The following PCDHA4 variants were observed in gnomAD, a reference collection of about 807,000 sequenced individuals.
The protein encoded by PCDHA4 is protocadherin alpha-4.
Under a neutral mutation model 61.4 loss-of-function variants are expected in PCDHA4, and 49 were observed. The observed-to-expected ratio is 0.80, with a 90% CI of 0.63 to 1.01. The LOEUF is 1.01. Among genes scored for constraint, PCDHA4 ranks in the 50% least tolerant of loss-of-function variants. The pLI, the probability that PCDHA4 is intolerant of heterozygous loss-of-function variation, is 0.00. For synonymous variants in PCDHA4, 590 were observed against 550.3 expected (o/e 1.07, Z -1.01); for missense variants, 1,254 against 1,235.8 (o/e 1.01, Z -0.22).
At chr5:140,823,338 G>C (rs149205606) in intron 1 of PCDHA4, 29 of 1,612,112 alleles carry the variant, frequency 1.8e-5, no homozygotes, top group Non-Finnish European at 2.4e-5. Context: ...CGCTGCAGCC[G>C]CTGGACCACG....
At chr5:140,970,146 C>A (rs1408492600) in intron 1 of PCDHA4, among the ~76,000 whole-genome samples, 3 of 152,156 alleles carry the variant, frequency 2.0e-5, no homozygotes, top group Admixed American at 6.5e-5. Context: ...AAAAAGAATT[C>A]TCCCAATAGT....
At position 140,944,452 on chromosome 5, in the gene PCDHA4, G is replaced by A. The variant is rs147335783; in HGVS notation, c.2386-34497G>A. 1.8e-3 allele frequency among the ~76,000 whole-genome samples: 280 copies of A among 152,282 alleles called. 3 individuals are homozygous for A. Among genetic ancestry groups the A allele is most frequent in the African/African-American group, 6.4e-3 (266 of 41,552 alleles). ...TCTGCCTGCCTCGGCCTCCCAAAGTGCTGGGATTACAGGTATGAGGCACTG... is the reference window on the plus strand; with the variant it reads ...TCTGCCTGCCTCGGCCTCCCAAAGTACTGGGATTACAGGTATGAGGCACTG... On this transcript the variant is annotated intron_variant, in intron 1 of 3. Coordinates refer to ENST00000530339, the MANE Select transcript of PCDHA4 (RefSeq NM_018907.4).
At chr5:140,882,561 G>A in intron 1 of PCDHA4, 2 of 1,614,222 alleles carry the variant, frequency 1.2e-6, no homozygotes, top group Non-Finnish European at 1.7e-6. Flanking sequence ...CTGTGTGGGC[G>A]GAGCGCGGAG....
chr5:140,841,820 GT>G (rs2150323567), intron 1 of PCDHA4: 1 of 1,613,910 alleles, frequency 6.2e-7, no homozygotes, highest in Non-Finnish European at 8.5e-7. Context: ...AGCTAACTCC[GT>G]GTTAACCTAC....
At chr5:140,914,710 G>T (rs879987412) in intron 1 of PCDHA4, among the ~76,000 whole-genome samples, 22 of 151,256 alleles carry the variant, frequency 1.5e-4, no homozygotes, top group Non-Finnish European at 2.4e-4. Flanking sequence ...TTAATTTCTT[G>T]TTTTTTATTT....
rs1311377754 is a variant in PCDHA4 at position 140,847,747 on chromosome 5, G to C, written c.2385+38175G>C. 1.3e-5 allele frequency: 2 copies of C among 149,564 alleles called. 1 individual carries two copies. The highest frequency in any genetic ancestry group is 3.0e-5 in the Non-Finnish European group (2 of 66,834). 9.3% of individuals were successfully genotyped at this position (149,564 alleles called of 1,614,324 possible). ...AGAGAAAAATATATTTTCTCCCCAC[G>C]CAACACAAGACCTTAAAGTCAATTC... On this transcript the variant is annotated intron_variant, in intron 1 of 3. Coordinates refer to ENST00000530339, the MANE Select transcript of PCDHA4 (RefSeq NM_018907.4).
At chr5:140,870,544 G>A in intron 1 of PCDHA4, 1 of 1,614,124 alleles carries the variant, frequency 6.2e-7, no homozygotes, top group South Asian at 1.1e-5. Context: ...GGCGCGGGAC[G>A]CGGACGCGCA....
chr5:140,927,401 G>A lies in PCDHA4; in HGVS notation c.2386-51548G>A, dbSNP rs782140870. On this transcript the variant is annotated intron_variant, in intron 1 of 3. Transcript: ENST00000530339. ...AGCCTAAGCCCCAGTCAGCACTTTCGCCTGGACATGGGATCGCGGGTTGAC... is the reference window on the plus strand; with the variant it reads ...AGCCTAAGCCCCAGTCAGCACTTTCACCTGGACATGGGATCGCGGGTTGAC... The A allele has an allele frequency of 1.9e-6, 3 of 1,614,192 alleles. No homozygotes were observed. Among genetic ancestry groups the A allele is most frequent in the Non-Finnish European group, 2.5e-6 (3 of 1,180,036 alleles).
At chr5:140,848,181 G>A (rs1434722378) in intron 1 of PCDHA4, 4 of 268,526 alleles carry the variant, frequency 1.5e-5, no homozygotes, top group Admixed American at 1.5e-4. Context: ...CAAGAGAAAC[G>A]GGATCTTCTG....
intron 1 of PCDHA4, among the ~76,000 whole-genome samples, chr5:140,963,199 A>G (rs955651383): frequency 6.6e-6 from 1 of 152,092 alleles, no homozygotes; most frequent in Non-Finnish European, 1.5e-5. Flanking sequence ...TGAAAATGAA[A>G]AAAAAAACCT....
chr5:140,993,462 T>TCACACACACACACA (rs3836747), intron 3 of PCDHA4, among the ~76,000 whole-genome samples: 3 of 140,938 alleles, frequency 2.1e-5, no homozygotes, highest in African/African-American at 5.3e-5. Flanking sequence ...TCTTTCTTTC[T>TCACACACACACACA]CACACACACA....
Position 140,855,963 on chromosome 5 carries a change from A to T in PCDHA4, c.2385+46391A>T, listed in dbSNP as rs1291137660. The stretch of plus-strand genomic sequence containing the variant: ...TCTCAGCCATTTCGATAAAAAATAG[A>T]TATAAGAAATAGGACAGAAAATGTC... On this transcript the variant is annotated intron_variant, in intron 1 of 3. Transcript: ENST00000530339. The T allele has an allele frequency of 2.8e-6, 4 of 1,404,280 alleles. No individual in the cohort carries two copies. In the African/African-American group the frequency reaches 5.7e-5, roughly 20 times the overall value. The allele number at this position is 1,404,280 out of a possible 1,614,324, so 87.0% of individuals were successfully genotyped here. A position where few individuals can be genotyped will look rare whatever the true frequency, so the allele number is the denominator to read the frequency against.
intron 1 of PCDHA4, chr5:140,851,932 T>G: frequency 1.0e-6 from 1 of 965,638 alleles, no homozygotes; most frequent in Non-Finnish European, 1.3e-6. Context: ...TTTCCTGAAT[T>G]GTAGTATGTG....
chr5:140,952,006 T>C (rs2094672029), intron 1 of PCDHA4, among the ~76,000 whole-genome samples: 1 of 152,184 alleles, frequency 6.6e-6, no homozygotes, highest in African/African-American at 2.4e-5. Context: ...GAAAGAATTA[T>C]AGGCCCCATG....
chr5:140,855,965 A>G (rs2043700176), intron 1 of PCDHA4: 1 of 1,417,586 alleles, frequency 7.1e-7, no homozygotes, highest in Non-Finnish European at 9.6e-7. Flanking sequence ...AAAAATAGAT[A>G]TAAGAAATAG....
chr5:140,978,701 G>A (rs1240672824), intron 1 of PCDHA4, among the ~76,000 whole-genome samples: 1 of 152,236 alleles, frequency 6.6e-6, no homozygotes, highest in African/African-American at 2.4e-5. Context: ...AAAGCCAAAG[G>A]TGGCCTTTAC....
At chr5:140,961,652 G>A (rs2095627629) in intron 1 of PCDHA4, among the ~76,000 whole-genome samples, 1 of 152,212 alleles carries the variant, frequency 6.6e-6, no homozygotes, top group Non-Finnish European at 1.5e-5. Context: ...TATGTGGTTA[G>A]TTTGAAGTTA....
At chr5:140,989,533 T>C (rs114286041) in intron 3 of PCDHA4, among the ~76,000 whole-genome samples, 1,576 of 152,276 alleles carry the variant, frequency 0.01, 12 homozygotes, top group Middle Eastern at 0.058. Flanking sequence ...AGGAGGAAGA[T>C]AGTTTGTAAT....
Position 140,876,427 on chromosome 5 carries a change from C to T in PCDHA4, c.2385+66855C>T, listed in dbSNP as rs267600399. 4 of 1,613,798 alleles carry T rather than the reference C, an allele frequency of 2.5e-6. No homozygotes were observed. The African/African-American group carries it at 5.3e-5, about 22-fold the overall frequency. On this transcript the variant is annotated intron_variant, in intron 1 of 3. Coordinates refer to ENST00000530339, the MANE Select transcript of PCDHA4 (RefSeq NM_018907.4). ...TGAAGAGAATAATGCCTATGAAATT[C>T]AGGTTAACGCCATTGATAAAGGGAT...
Sources: gnomAD v4.1 joint callset for allele counts (sites outside exome capture counted in the v4.1 genomes callset) on GRCh38, gnomAD v4.1.1 for gene constraint, MANE v1.5 for transcripts, NCBI Gene and HGNC (gene_info 2026-07-23, HGNC 2026-07-21) for gene names.